The following AFF3 variants were observed in gnomAD, a reference collection of about 807,000 sequenced individuals.
The protein encoded by AFF3 is AF4/FMR2 family member 3.
A neutral mutation model predicts 129.7 loss-of-function variants in AFF3; 32 were observed. The ratio of observed to expected loss-of-function variants is 0.25; its 90% CI spans 0.19 to 0.33. AFF3 has a LOEUF of 0.33. Among genes scored for constraint, AFF3 ranks in the 10% least tolerant of loss-of-function variants. The pLI, the probability that AFF3 is intolerant of heterozygous loss-of-function variation, is 1.00. For synonymous variants in AFF3, 644 were observed against 635.4 expected (o/e 1.01, Z -0.20); for missense variants, 1,373 against 1,592.0 (o/e 0.86, Z 2.34).
At position 99,551,393 on chromosome 2, in the gene AFF3, G is replaced by C. The variant is rs1222825037; in HGVS notation, c.*81C>G. 3.2e-6 allele frequency: 5 copies of C among 1,554,610 alleles called. No homozygotes were observed. Among genetic ancestry groups the C allele is most frequent in the Non-Finnish European group, 4.4e-6 (5 of 1,137,994 alleles). On this transcript the variant is annotated 3_prime_UTR_variant, in exon 25 of 25. Transcript: ENST00000672756. ...CCGCAGTCTGATAAATGCTGTGGCT[G>C]GGAGTTTCAGTAGCACAGTGTCCAA...
intron 11 of AFF3, among the ~76,000 whole-genome samples, chr2:99,704,105 C>A (rs1390894957): frequency 2.0e-5 from 3 of 152,148 alleles, no homozygotes; most frequent in Non-Finnish European, 2.9e-5. Context: ...CATGCACTGA[C>A]CAGCACCATC....
chr2:100,009,520 C>T (rs1370196796), intron 4 of AFF3, among the ~76,000 whole-genome samples: 2 of 152,114 alleles, frequency 1.3e-5, no homozygotes, highest in Non-Finnish European at 2.9e-5. Flanking sequence ...TTGACACTAT[C>T]ACTCCTCCTA....
intron 8 of AFF3, among the ~76,000 whole-genome samples, chr2:99,804,987 C>A (rs1686228729): frequency 1.3e-5 from 2 of 152,156 alleles, no homozygotes; most frequent in South Asian, 2.1e-4. Flanking sequence ...GTACAATATA[C>A]ACTACTTGGA....
chr2:99,730,096 C>A (rs970190343), intron 10 of AFF3, among the ~76,000 whole-genome samples: 1 of 152,134 alleles, frequency 6.6e-6, no homozygotes, highest in Admixed American at 6.5e-5. Context: ...GCTGGGCCTT[C>A]CACATTGCCT....
intron 7 of AFF3, among the ~76,000 whole-genome samples, chr2:99,891,221 G>A (rs1693524387): frequency 6.6e-6 from 1 of 152,126 alleles, no homozygotes; most frequent in Non-Finnish European, 1.5e-5. Context: ...GAGTTATCTG[G>A]TATGTGTCCT....
intron 7 of AFF3, among the ~76,000 whole-genome samples, chr2:99,991,677 C>A (rs560094618): frequency 6.6e-6 from 1 of 152,022 alleles, no homozygotes; most frequent in Non-Finnish European, 1.5e-5. Flanking sequence ...CAAAGGCGGG[C>A]GGATAATTTG....
intron 2 of AFF3, chr2:100,112,236 TG>T (rs1559132584): frequency 6.6e-6 from 1 of 152,200 alleles, no homozygotes; most frequent in East Asian, 1.9e-4. Context: ...CACATGGCCA[TG>T]GAGATGAGAG....
chr2:99,686,656 A>C (rs1332888247), intron 11 of AFF3, among the ~76,000 whole-genome samples: 1 of 152,234 alleles, frequency 6.6e-6, no homozygotes, highest in African/African-American at 2.4e-5. Flanking sequence ...AAAGATCCTG[A>C]GGGAGTGACA....
intron 8 of AFF3, among the ~76,000 whole-genome samples, chr2:99,826,246 C>T (rs181467254): frequency 1.3e-5 from 2 of 152,204 alleles, no homozygotes; most frequent in Admixed American, 6.5e-5. Flanking sequence ...ACCTCCTGAC[C>T]ACAGGTGATC....
intron 7 of AFF3, among the ~76,000 whole-genome samples, chr2:99,863,012 C>G (rs1691111660): frequency 6.6e-6 from 1 of 152,216 alleles, no homozygotes; most frequent in African/African-American, 2.4e-5. Context: ...AATCAAGTAT[C>G]TCAGTGGATG....
chr2:99,913,063 A>G (rs757125015), intron 7 of AFF3, among the ~76,000 whole-genome samples: 4 of 152,230 alleles, frequency 2.6e-5, no homozygotes, highest in Non-Finnish European at 5.9e-5. Context: ...CCACTGTGAC[A>G]AAACCAATTC....
At chr2:99,673,752 T>C (rs554478440) in intron 11 of AFF3, among the ~76,000 whole-genome samples, 4 of 152,202 alleles carry the variant, frequency 2.6e-5, no homozygotes, top group Non-Finnish European at 5.9e-5. Context: ...CTATCACTGA[T>C]ACATGCCTCT....
chr2:99,627,423 TG>T (rs1682697787), intron 13 of AFF3, among the ~76,000 whole-genome samples: 2 of 151,936 alleles, frequency 1.3e-5, no homozygotes, highest in Admixed American at 6.5e-5. Context: ...TTAATAGGGT[TG>T]TTTTTTTCTT....
At chr2:100,054,489 C>T (rs887982586) in intron 4 of AFF3, among the ~76,000 whole-genome samples, 4 of 152,224 alleles carry the variant, frequency 2.6e-5, no homozygotes, top group African/African-American at 4.8e-5. Flanking sequence ...CTTGAGCCTG[C>T]GACATCAGTT....
intron 17 of AFF3, chr2:99,580,779 TC>T: frequency 6.3e-6 from 1 of 159,688 alleles, no homozygotes; most frequent in Non-Finnish European, 1.4e-5. Flanking sequence ...GCGCCTGTAG[TC>T]CCAGCTACTC....
At chr2:99,617,986 C>T (rs999861218) in intron 13 of AFF3, among the ~76,000 whole-genome samples, 5 of 152,104 alleles carry the variant, frequency 3.3e-5, no homozygotes, top group African/African-American at 1.2e-4. Context: ...GGATAAATTA[C>T]CAGGCTTCTG....
chr2:99,559,255 C>T (rs539473288), intron 21 of AFF3, among the ~76,000 whole-genome samples: 2 of 152,212 alleles, frequency 1.3e-5, no homozygotes, highest in Non-Finnish European at 2.9e-5. Context: ...TTCCTTCTTC[C>T]ACCACGAGAG....
chr2:99,551,452 C>T lies in AFF3; in HGVS notation c.*22G>A. On this transcript the variant is annotated 3_prime_UTR_variant, in exon 25 of 25. Transcript: ENST00000672756. ...AGCCATCTGTGGAGACCAGAGCCCACTCTGGCCCCAGGGTGAGGTCCCTAT... is the reference window on the plus strand; with the variant it reads ...AGCCATCTGTGGAGACCAGAGCCCATTCTGGCCCCAGGGTGAGGTCCCTAT... 1.2e-6 allele frequency: 2 copies of T among 1,613,680 alleles called. No homozygotes were observed. Among genetic ancestry groups the T allele is most frequent in the Admixed American group, 1.7e-5 (1 of 59,986 alleles).
At chr2:99,846,911 CT>C (rs1472156932) in intron 7 of AFF3, among the ~76,000 whole-genome samples, 2 of 152,172 alleles carry the variant, frequency 1.3e-5, no homozygotes, top group Admixed American at 6.5e-5. Context: ...AGGGTTCATT[CT>C]GCATACTCAA....
Sources: gnomAD v4.1 joint callset for allele counts (sites outside exome capture counted in the v4.1 genomes callset) on GRCh38, gnomAD v4.1.1 for gene constraint, MANE v1.5 for transcripts, NCBI Gene and HGNC (gene_info 2026-07-23, HGNC 2026-07-21) for gene names.